The following CCNH variants were observed in gnomAD, a reference collection of about 807,000 sequenced individuals.
CCNH encodes cyclin H.
CCNH carries 31 observed loss-of-function variants against 41.9 expected under a neutral mutation model. The ratio of observed to expected loss-of-function variants is 0.74; its 90% CI spans 0.56 to 1.00. The LOEUF (loss-of-function observed/expected upper bound fraction) is 1.00, where lower values mean the gene tolerates loss of function less well. CCNH is among the 50% of genes least tolerant of loss of function. The pLI is 0.00. For synonymous variants in CCNH, 138 were observed against 136.1 expected, an observed-to-expected ratio of 1.01 and a Z score of -0.10; for missense variants, 362 against 388.4, an observed-to-expected ratio of 0.93 and a Z score of 0.57.
At chr5:87,342,612 A>G (rs1396045270) in intron 9 of CCNH, among the ~76,000 whole-genome samples, 1 of 152,204 alleles carries the variant, frequency 6.6e-6, no homozygotes, top group East Asian at 1.9e-4. Flanking sequence ...GGTACATGGA[A>G]CTGTGTCCCT....
At chr5:87,311,805 A>G in the CCNH span, among the ~76,000 whole-genome samples, 2 of 152,230 alleles carry the variant, frequency 1.3e-5, no homozygotes, top group East Asian at 3.8e-4. Context: ...GCATGGACCA[A>G]GGCCCCTCCC....
chr5:87,328,510 G>C (rs963429795), intron 9 of CCNH, among the ~76,000 whole-genome samples: 7 of 152,112 alleles, frequency 4.6e-5, no homozygotes, highest in African/African-American at 1.7e-4. Flanking sequence ...TAAAAATTGA[G>C]TATTTTAGAC....
At chr5:87,363,279 C>G in intron 9 of CCNH, 1 of 1,346,098 alleles carries the variant, frequency 7.4e-7, no homozygotes, top group Non-Finnish European at 1.0e-6. Flanking sequence ...TTTAGAAACA[C>G]TAATTTTAAT....
intron 9 of CCNH, chr5:87,337,936 A>G (rs1222926182): frequency 6.5e-7 from 1 of 1,549,680 alleles, no homozygotes; most frequent in South Asian, 1.2e-5. Context: ...TGTATTTAAA[A>G]TTTTTAAATT....
chr5:87,350,506 A>AT (rs1201169946), intron 9 of CCNH, among the ~76,000 whole-genome samples: 1 of 151,742 alleles, frequency 6.6e-6, no homozygotes, highest in African/African-American at 2.4e-5. Flanking sequence ...ACATGAATTT[A>AT]TTTTTTTGAA....
intron 9 of CCNH, among the ~76,000 whole-genome samples, chr5:87,328,816 T>C (rs1334361292): frequency 2.6e-5 from 4 of 152,114 alleles, no homozygotes; most frequent in Admixed American, 6.5e-5. Flanking sequence ...CAAGGACTGG[T>C]GTTTAAAGGT....
At chr5:87,380,696 CT>C, upstream of CCNH, 2 of 1,117,382 alleles carry the variant, frequency 1.8e-6, no homozygotes, top group Non-Finnish European at 2.7e-6. Flanking sequence ...TTTTCTTTGG[CT>C]TTTATGTCAA....
rs1762830477 is a variant in CCNH at position 87,395,114 on chromosome 5, A to G, written c.873-10T>C. On this transcript the variant is annotated splice_polypyrimidine_tract_variant and intron_variant, in intron 7 of 8. Coordinates refer to ENST00000256897, the MANE Select transcript of CCNH (RefSeq NM_001239.4). ...GCCTTTCCTCTTCTTCCTATAATTA[A>G]GCAACTATCAATAAGCAATCCAATA... 6.2e-7 allele frequency: 1 copy of G among 1,607,602 alleles called. No homozygotes were observed. Among genetic ancestry groups the G allele is most frequent in the African/African-American group, 1.3e-5 (1 of 74,614 alleles).
intron 9 of CCNH, chr5:87,353,041 G>A: frequency 1.4e-6 from 1 of 718,622 alleles, no homozygotes; most frequent in Non-Finnish European, 2.5e-6. Flanking sequence ...TTTGTGTTAT[G>A]TGCTTTGAAA....
At chr5:87,327,835 C>T (rs113416155) in intron 9 of CCNH, among the ~76,000 whole-genome samples, 4 of 152,026 alleles carry the variant, frequency 2.6e-5, no homozygotes, top group African/African-American at 9.6e-5. Context: ...TGTGGTGGCA[C>T]ACACCTGTAA....
upstream of CCNH, chr5:87,380,689 T>G: frequency 8.4e-7 from 1 of 1,186,914 alleles, no homozygotes. Flanking sequence ...AATGCTTTTT[T>G]CTTTGGCTTT....
At chr5:87,390,478 T>C (rs1271418105), downstream of CCNH, among the ~76,000 whole-genome samples, 2 of 151,500 alleles carry the variant, frequency 1.3e-5, no homozygotes, top group Non-Finnish European at 2.9e-5. Flanking sequence ...TTGCCTTAGA[T>C]ATTAAATAAA....
chr5:87,316,429 TG>T (rs1165582945), downstream of CCNH, among the ~76,000 whole-genome samples: 1 of 152,246 alleles, frequency 6.6e-6, no homozygotes, highest in Non-Finnish European at 1.5e-5. Context: ...AACAGTTAAA[TG>T]GACAATCACA....
At chr5:87,343,027 A>T (rs1485623136) in intron 9 of CCNH, among the ~76,000 whole-genome samples, 1 of 152,140 alleles carries the variant, frequency 6.6e-6, no homozygotes, top group Non-Finnish European at 1.5e-5. Flanking sequence ...TAATTGGGGC[A>T]TAACTTAAAT....
chr5:87,343,233 T>A (rs1306591820), intron 9 of CCNH, among the ~76,000 whole-genome samples: 1 of 152,168 alleles, frequency 6.6e-6, no homozygotes, highest in African/African-American at 2.4e-5. Context: ...CAAGTCCTGA[T>A]GACTTTATCT....
chr5:87,385,308 A>T lies in CCNH; in HGVS notation c.*90+7462T>A, dbSNP rs137898246. 4.1e-5 allele frequency: 66 copies of T among 1,605,638 alleles called. No individual in the cohort carries two copies. In the African/African-American group the frequency reaches 8.3e-4, roughly 20 times the overall value. ...TGCCCAATTCTGTTACAGATTCTCC[A>T]TCTCCTATTGCTGCAAGAACACTGA... On this transcript the variant is annotated intron_variant and NMD_transcript_variant, in intron 9 of 9. Transcript: ENST00000645953.
downstream of CCNH, among the ~76,000 whole-genome samples, chr5:87,371,804 G>A (rs1760963579): frequency 6.6e-6 from 1 of 152,074 alleles, no homozygotes; most frequent in Non-Finnish European, 1.5e-5. Context: ...GGTAGTATCT[G>A]TTTGGGAGAA....
chr5:87,394,707 T>G, intron 8 of CCNH: 6 of 1,338,396 alleles, frequency 4.5e-6, no homozygotes, highest in Non-Finnish European at 5.7e-6. Flanking sequence ...TTGCCTCTGA[T>G]TATTCACTTA....
At chr5:87,380,602 CTCA>C (rs774384632), upstream of CCNH, 1 of 1,601,522 alleles carries the variant, frequency 6.2e-7, no homozygotes, top group Non-Finnish European at 8.6e-7. Context: ...TTAGGTAAGG[CTCA>C]TCAATTGATT....
Sources: allele counts gnomAD v4.1 joint callset (sites outside exome capture counted in the v4.1 genomes callset), GRCh38; gene constraint gnomAD v4.1.1; transcripts MANE v1.5; gene names NCBI Gene and HGNC (gene_info 2026-07-23, HGNC 2026-07-21).